Variants in CADM2 observed in about 807,000 individuals in gnomAD.
CADM2 encodes the protein immunoglobulin superfamily member 4D.
A neutral mutation model predicts 49.8 loss-of-function variants in CADM2; 12 were observed. That is an observed-to-expected ratio of 0.24 (90% confidence interval 0.15 to 0.39). The LOEUF is 0.39. Ranked by LOEUF, CADM2 falls within the 10% of genes least tolerant of loss-of-function variation. The probability of loss-of-function intolerance (pLI) is 1.00; values close to 1 mark genes in which losing one functional copy is unlikely to be tolerated. For synonymous variants in CADM2, 214 were observed against 175.4 expected (o/e 1.22, Z -1.74); for missense variants, 378 against 492.3 (o/e 0.77, Z 2.20).
chr3:85,333,551 C>T (rs950971661), intron 1 of CADM2, among the ~76,000 whole-genome samples: 5 of 151,714 alleles, frequency 3.3e-5, no homozygotes, highest in African/African-American at 1.2e-4. Context: ...TGCCTGTTTG[C>T]ACATTAAATG....
At chr3:85,171,618 C>G (rs1204759335) in intron 1 of CADM2, among the ~76,000 whole-genome samples, 2 of 152,152 alleles carry the variant, frequency 1.3e-5, no homozygotes, top group Non-Finnish European at 2.9e-5. Context: ...AGAGATCGTG[C>G]TCAGGTTAAT....
intron 8 of CADM2, among the ~76,000 whole-genome samples, chr3:86,045,060 G>T (rs1736479556): frequency 6.6e-6 from 1 of 150,986 alleles, no homozygotes; most frequent in Admixed American, 6.6e-5. Flanking sequence ...CCTGTCGTGG[G>T]GTGGTGGGAG....
At chr3:85,812,375 T>G (rs1577371229) in intron 3 of CADM2, among the ~76,000 whole-genome samples, 1 of 152,100 alleles carries the variant, frequency 6.6e-6, no homozygotes, top group East Asian at 1.9e-4. Flanking sequence ...CTGAACTATG[T>G]ACCATTTGTC....
intron 5 of CADM2, among the ~76,000 whole-genome samples, chr3:85,912,044 C>T (rs1286912941): frequency 2.0e-5 from 3 of 151,610 alleles, no homozygotes; most frequent in Non-Finnish European, 4.4e-5. Context: ...CCTGGGTTCA[C>T]GCCATTCTCC....
At chr3:85,165,085 G>A (rs1314896476) in intron 1 of CADM2, among the ~76,000 whole-genome samples, 1 of 151,354 alleles carries the variant, frequency 6.6e-6, no homozygotes, top group African/African-American at 2.4e-5. Context: ...CAGTATAATG[G>A]GATTTTAAGT....
At chr3:85,105,188 C>A (rs1393594654) in intron 1 of CADM2, among the ~76,000 whole-genome samples, 1 of 151,946 alleles carries the variant, frequency 6.6e-6, no homozygotes, top group Non-Finnish European at 1.5e-5. Flanking sequence ...ATTTTTGCAA[C>A]CTACTCATCT....
intron 7 of CADM2, among the ~76,000 whole-genome samples, chr3:85,952,770 C>G (rs1273549416): frequency 6.6e-6 from 1 of 150,608 alleles, no homozygotes; most frequent in Non-Finnish European, 1.5e-5. Flanking sequence ...ATGTGCTTTC[C>G]TTTATTATTT....
chr3:85,016,487 A>G (rs1416770261), intron 1 of CADM2, among the ~76,000 whole-genome samples: 4 of 152,110 alleles, frequency 2.6e-5, no homozygotes, highest in Non-Finnish European at 1.5e-5. Context: ...ATAACTGTCA[A>G]TCTGTATTTC....
At chr3:85,927,931 G>A (rs1022940505) in intron 6 of CADM2, among the ~76,000 whole-genome samples, 5 of 152,020 alleles carry the variant, frequency 3.3e-5, no homozygotes, top group East Asian at 3.9e-4. Flanking sequence ...AGCCAATGAC[G>A]CTAAATACTT....
At chr3:85,574,302 A>G (rs2062568245) in intron 1 of CADM2, among the ~76,000 whole-genome samples, 6 of 152,216 alleles carry the variant, frequency 3.9e-5, no homozygotes, top group Admixed American at 3.3e-4. Flanking sequence ...CTCTATGTCT[A>G]ATTAGTGCAT....
At chr3:85,928,943 A>C (rs896815142) in intron 6 of CADM2, among the ~76,000 whole-genome samples, 1 of 152,146 alleles carries the variant, frequency 6.6e-6, no homozygotes, top group African/African-American at 2.4e-5. Context: ...ATATTTAATA[A>C]ATACAACGTT....
At chr3:85,464,638 G>T (rs997965642) in intron 1 of CADM2, among the ~76,000 whole-genome samples, 2 of 152,110 alleles carry the variant, frequency 1.3e-5, no homozygotes, top group African/African-American at 4.8e-5. Flanking sequence ...TCCGTTTAAA[G>T]GCATAGTTTA....
chr3:85,833,430 G>T (rs1198967406), intron 3 of CADM2, among the ~76,000 whole-genome samples: 1 of 151,660 alleles, frequency 6.6e-6, no homozygotes, highest in Admixed American at 6.6e-5. Flanking sequence ...CATACATCTG[G>T]TAGAATTTAG....
chr3:85,430,368 G>A (rs1423541693), intron 1 of CADM2, among the ~76,000 whole-genome samples: 1 of 151,958 alleles, frequency 6.6e-6, no homozygotes, highest in Admixed American at 6.6e-5. Context: ...CATGAAAGGA[G>A]GCTGGGCACA....
chr3:85,033,982 A>G (rs1022395640), intron 1 of CADM2, among the ~76,000 whole-genome samples: 2 of 151,972 alleles, frequency 1.3e-5, no homozygotes, highest in Admixed American at 6.6e-5. Context: ...TTAATTTTTA[A>G]TTTTTGTGAG....
At chr3:85,122,483 T>C (rs12487780) in intron 1 of CADM2, among the ~76,000 whole-genome samples, 4,580 of 152,226 alleles carry the variant, frequency 0.03, 99 homozygotes, top group South Asian at 0.044. Context: ...ACTTAAATAT[T>C]AGGACTGCCC....
chr3:85,252,734 A>G (rs2042802561), intron 1 of CADM2, among the ~76,000 whole-genome samples: 1 of 151,978 alleles, frequency 6.6e-6, no homozygotes, highest in Admixed American at 6.6e-5. Flanking sequence ...CTCCATGTCT[A>G]TCACTGGAGA....
intron 1 of CADM2, among the ~76,000 whole-genome samples, chr3:85,627,159 T>C (rs537470950): frequency 2.0e-4 from 31 of 152,130 alleles, no homozygotes; most frequent in Admixed American, 6.6e-4. Flanking sequence ...TTGTGTCTGA[T>C]ACTTACAGTC....
At chr3:85,609,680 C>T (rs1249028217) in intron 1 of CADM2, among the ~76,000 whole-genome samples, 1 of 152,042 alleles carries the variant, frequency 6.6e-6, no homozygotes, top group Non-Finnish European at 1.5e-5. Flanking sequence ...ATGGGGAGAT[C>T]CATAATTCTA....
Sources: allele counts gnomAD v4.1 joint callset (sites outside exome capture counted in the v4.1 genomes callset), GRCh38; gene constraint gnomAD v4.1.1; transcripts MANE v1.5; gene names NCBI Gene and HGNC (gene_info 2026-07-23, HGNC 2026-07-21).